TOX: variants seen among roughly 807,000 people sequenced by gnomAD.
The protein encoded by TOX is thymocyte selection associated high mobility group box.
Under a neutral mutation model 53.7 loss-of-function variants are expected in TOX, and 11 were observed. The ratio of observed to expected loss-of-function variants is 0.20; its 90% confidence interval spans 0.13 to 0.34. The LOEUF (loss-of-function observed/expected upper bound fraction) is 0.34, where lower values mean the gene tolerates loss of function less well. TOX is among the 10% of genes least tolerant of loss of function. The pLI, the probability that TOX is intolerant of heterozygous loss-of-function variation, is 1.00. For synonymous variants in TOX, 225 were observed against 245.3 expected (o/e 0.92, Z 0.77); for missense variants, 570 against 664.6 (o/e 0.86, Z 1.56).
chr8:58,817,044 G>A (rs1292540014), intron 6 of TOX, among the ~76,000 whole-genome samples: 7 of 152,106 alleles, frequency 4.6e-5, no homozygotes, highest in South Asian at 2.1e-4. Context: ...GTGGGTGGAC[G>A]ATCAGCCCCA....
At position 59,043,752 on chromosome 8, in the gene TOX, C is replaced by T. The variant is rs557249779; in HGVS notation, c.102+75134G>A. 1.9e-3 allele frequency among the ~76,000 whole-genome samples: 282 copies of T among 152,290 alleles called. 1 individual carries two copies. The highest frequency in any genetic ancestry group is 2.8e-3 in the Non-Finnish European group (190 of 68,022). ...GAAATGCGAGATGGATGGGTAGCCCCGAGTAGTGCTATCATGCTTCCAGTA... is the reference window on the plus strand; with the variant it reads ...GAAATGCGAGATGGATGGGTAGCCCTGAGTAGTGCTATCATGCTTCCAGTA... On this transcript the variant is annotated intron_variant, in intron 1 of 8. Transcript: ENST00000361421.
At chr8:58,886,544 G>T (rs986325520) in intron 3 of TOX, among the ~76,000 whole-genome samples, 1 of 152,010 alleles carries the variant, frequency 6.6e-6, no homozygotes, top group African/African-American at 2.4e-5. Flanking sequence ...TCTACCTGTG[G>T]TCAGATAAAA....
chr8:58,825,491 T>G (rs1467794198), intron 6 of TOX, among the ~76,000 whole-genome samples: 1 of 152,210 alleles, frequency 6.6e-6, no homozygotes, highest in Non-Finnish European at 1.5e-5. Context: ...AAAGGCTTAG[T>G]CAGTATCACA....
At chr8:58,956,510 T>C (rs1029179423) in intron 2 of TOX, among the ~76,000 whole-genome samples, 3 of 152,206 alleles carry the variant, frequency 2.0e-5, no homozygotes. Flanking sequence ...GTGAAGCAAA[T>C]TAACATATCC....
At chr8:59,097,229 T>C (rs1354866698) in intron 1 of TOX, among the ~76,000 whole-genome samples, 1 of 152,128 alleles carries the variant, frequency 6.6e-6, no homozygotes. Flanking sequence ...GGTGTGAGCT[T>C]ACAAACAATG....
intron 3 of TOX, among the ~76,000 whole-genome samples, chr8:58,873,243 C>A (rs985593819): frequency 4.6e-5 from 7 of 152,082 alleles, no homozygotes; most frequent in Admixed American, 1.3e-4. Flanking sequence ...GAAAGACTGA[C>A]TAAAGATATG....
chr8:58,992,726 A>T (rs570541559), intron 1 of TOX: 11 of 152,330 alleles, frequency 7.2e-5, no homozygotes, highest in African/African-American at 2.6e-4. Context: ...GCATTGCCTA[A>T]CTTTTTTTTG....
chr8:58,817,994 T>G (rs1233525824), intron 6 of TOX, among the ~76,000 whole-genome samples: 1 of 152,116 alleles, frequency 6.6e-6, no homozygotes, highest in Admixed American at 6.5e-5. Flanking sequence ...TTTAAATAAT[T>G]GTATGTGGTC....
intron 4 of TOX, among the ~76,000 whole-genome samples, chr8:58,844,064 T>C (rs1810684840): frequency 6.6e-6 from 1 of 152,200 alleles, no homozygotes; most frequent in Admixed American, 6.5e-5. Flanking sequence ...TTTTGGATAT[T>C]GTCTGGATCC....
At chr8:59,075,703 GCA>G (rs756625302) in intron 1 of TOX, among the ~76,000 whole-genome samples, 2 of 152,192 alleles carry the variant, frequency 1.3e-5, no homozygotes, top group Non-Finnish European at 2.9e-5. Context: ...GTAGTCAGCA[GCA>G]CAGTCATAGC....
At chr8:58,915,362 G>C (rs1811995001) in intron 3 of TOX, among the ~76,000 whole-genome samples, 1 of 88,428 alleles carries the variant, frequency 1.1e-5, no homozygotes, top group Non-Finnish European at 2.2e-5. Flanking sequence ...TCTGAGAACG[G>C]GCAGACTGCC....
At chr8:59,087,525 C>G (rs189812097) in intron 1 of TOX, among the ~76,000 whole-genome samples, 7 of 152,310 alleles carry the variant, frequency 4.6e-5, no homozygotes, top group Admixed American at 2.6e-4. Context: ...GTCTGTCCCC[C>G]CCTTTACTCT....
intron 3 of TOX, among the ~76,000 whole-genome samples, chr8:58,893,597 T>C (rs1811594464): frequency 6.6e-6 from 1 of 152,226 alleles, no homozygotes; most frequent in African/African-American, 2.4e-5. Context: ...GTTAATTTAG[T>C]AGCTCTCTAA....
chr8:58,987,478 G>A (rs1433596204), intron 1 of TOX, among the ~76,000 whole-genome samples: 1 of 152,112 alleles, frequency 6.6e-6, no homozygotes. Flanking sequence ...TAATATAGAT[G>A]GCACAAGTAC....
In TOX at chr8:58,833,720, A is replaced by G. The variant is rs574084665; in HGVS notation, c.924+4361T>C. Among the ~76,000 whole-genome samples the G allele has an allele frequency of 2.6e-4, 39 of 152,280 alleles. 1 individual carries two copies. In the South Asian group the frequency reaches 6.8e-3, roughly 27 times the overall value. ...AGTATGCTTCTGAAATGGGCTCTCC[A>G]TTGTCTTACGAGTCATTAGCATTTA... On this transcript the variant is annotated intron_variant, in intron 5 of 8. Coordinates refer to ENST00000361421, the MANE Select transcript of TOX (RefSeq NM_014729.3).
chr8:58,998,538 T>TAA lies in TOX; in HGVS notation c.103-38532_103-38531dup, dbSNP rs1347102163. ...ATATATATATATATATATATATATA[T>TAA]AAATTTATATATAATAAATTTATGT... On this transcript the variant is annotated intron_variant, in intron 1 of 8. Transcript: ENST00000361421. Among the ~76,000 whole-genome samples the TAA allele has an allele frequency of 4.6e-4, 60 of 131,204 alleles. 1 individual carries two copies. The highest frequency in any genetic ancestry group is 1.7e-3 in the African/African-American group (58 of 33,240). 86.1% of individuals were successfully genotyped at this position (131,204 alleles called of 152,430 possible).
At chr8:58,816,914 C>A (rs1251783501) in intron 6 of TOX, among the ~76,000 whole-genome samples, 1 of 152,134 alleles carries the variant, frequency 6.6e-6, no homozygotes, top group Admixed American at 6.5e-5. Flanking sequence ...AGGCAGCTTA[C>A]ATTACGGTTA....
At chr8:58,848,747 C>T (rs1460895835) in intron 4 of TOX, among the ~76,000 whole-genome samples, 1 of 151,956 alleles carries the variant, frequency 6.6e-6, no homozygotes, top group East Asian at 1.9e-4. Flanking sequence ...ATCAAAATCG[C>T]GGGTAGTGTT....
intron 6 of TOX, among the ~76,000 whole-genome samples, chr8:58,815,999 G>A (rs1176137710): frequency 1.3e-5 from 2 of 152,196 alleles, no homozygotes; most frequent in Non-Finnish European, 2.9e-5. Flanking sequence ...TTATCCAAAT[G>A]AGGGTGACAA....
Sources: gnomAD v4.1 joint callset for allele counts (sites outside exome capture counted in the v4.1 genomes callset) on GRCh38, gnomAD v4.1.1 for gene constraint, MANE v1.5 for transcripts, NCBI Gene and HGNC (gene_info 2026-07-23, HGNC 2026-07-21) for gene names.